DLG5: variants seen among roughly 807,000 people sequenced by gnomAD.
DLG5 encodes disks large homolog 5.
In DLG5, 48 loss-of-function variants were observed where a neutral mutation model predicts 189.8. The observed-to-expected ratio is 0.25, with a 90% CI of 0.20 to 0.32. The LOEUF is 0.32. Ranked by LOEUF, DLG5 falls within the 10% of genes least tolerant of loss-of-function variation. DLG5 has a pLI of 1.00. For missense variants in DLG5, 2,160 were observed against 2,544.7 expected, an observed-to-expected ratio of 0.85 and a Z score of 3.25; for synonymous variants, 1,016 against 1,054.1, an observed-to-expected ratio of 0.96 and a Z score of 0.70.
intron 9 of DLG5, 106 bp from the exon 10 acceptor site, chr10:77,830,979 G>T (rs1435277930): frequency 1.5e-6 from 2 of 1,340,824 alleles, no homozygotes; most frequent in Non-Finnish European, 2.0e-6. Flanking sequence ...AGCTAAAATG[G>T]GTTCCTTTCC....
At chr10:77,819,236 T>C (rs1842210644) in intron 17 of DLG5, 85 bp downstream of exon 17, 3 of 1,595,738 alleles carry the variant, frequency 1.9e-6, no homozygotes, top group Admixed American at 1.7e-5. Context: ...TCTCCACCAA[T>C]GAGCCTCTTT....
chr10:77,900,474 T>A (rs1845890724), intron 1 of DLG5, among the ~76,000 whole-genome samples: 1 of 152,138 alleles, frequency 6.6e-6, no homozygotes, highest in Non-Finnish European at 1.5e-5. Flanking sequence ...GAGACAGACC[T>A]TCACCCCGGG....
intron 1 of DLG5, among the ~76,000 whole-genome samples, chr10:77,888,295 C>A (rs1845502180): frequency 6.6e-6 from 1 of 152,194 alleles, no homozygotes; most frequent in Non-Finnish European, 1.5e-5. Flanking sequence ...TCCTGGGCAG[C>A]AGCCTCAGAG....
At chr10:77,872,132 A>G (rs1844926184) in intron 1 of DLG5, among the ~76,000 whole-genome samples, 1 of 152,156 alleles carries the variant, frequency 6.6e-6, no homozygotes, top group Admixed American at 6.6e-5. Flanking sequence ...TCACCTCCAG[A>G]AATCTCTATG....
At chr10:77,840,792 A>C (rs1726176294) in intron 7 of DLG5, among the ~76,000 whole-genome samples, 1 of 152,164 alleles carries the variant, frequency 6.6e-6, no homozygotes, top group South Asian at 2.1e-4. Flanking sequence ...ATCTCCCAGC[A>C]AGGGGCCTGT....
upstream of DLG5, chr10:77,926,943 CT>C (rs1303088116): frequency 1.1e-5 from 4 of 378,934 alleles, no homozygotes; most frequent in Non-Finnish European, 2.1e-5. The surrounding 1 kb of genome is among the most constrained non-coding windows in gnomAD (Gnocchi z 5.2). Flanking sequence ...CAGAGCAAGA[CT>C]ACAACTCCCG....
intron 13 of DLG5, among the ~76,000 whole-genome samples, chr10:77,827,428 G>A (rs763740621): frequency 6.6e-6 from 1 of 152,174 alleles, no homozygotes; most frequent in South Asian, 2.1e-4. Context: ...GTTTCACCAC[G>A]TTCCCCAGGC....
chr10:77,832,067 G>C (rs528418354), intron 9 of DLG5, among the ~76,000 whole-genome samples: 1 of 152,220 alleles, frequency 6.6e-6, no homozygotes, highest in Admixed American at 6.5e-5. Flanking sequence ...AATTAGCCAG[G>C]TGTGGTAACA....
intron 5 of DLG5, among the ~76,000 whole-genome samples, chr10:77,845,728 T>G (rs1474136275): frequency 2.0e-5 from 3 of 152,064 alleles, no homozygotes; most frequent in African/African-American, 7.2e-5. Context: ...CCTTTATTTA[T>G]TTTTAAAGCA....
intron 1 of DLG5, among the ~76,000 whole-genome samples, chr10:77,896,215 C>G (rs1189649931): frequency 6.6e-6 from 1 of 152,152 alleles, no homozygotes; most frequent in Admixed American, 6.5e-5. Context: ...ATCTGTCAAC[C>G]ATGGATAATC....
At chr10:77,917,909 C>G (rs1420777620) in intron 1 of DLG5, among the ~76,000 whole-genome samples, 1 of 151,374 alleles carries the variant, frequency 6.6e-6, no homozygotes, top group Non-Finnish European at 1.5e-5. Flanking sequence ...CACCTGTAAT[C>G]TCAGCTACCC....
At chr10:77,844,788 G>A (rs1843602946) in intron 5 of DLG5, among the ~76,000 whole-genome samples, 1 of 152,248 alleles carries the variant, frequency 6.6e-6, no homozygotes. Flanking sequence ...GTCTGTGAGG[G>A]AGGCTAAGGC....
intron 1 of DLG5, among the ~76,000 whole-genome samples, chr10:77,905,200 T>C (rs1846038999): frequency 6.6e-6 from 1 of 151,516 alleles, no homozygotes. Context: ...GAGTTGTCAC[T>C]GTGTTGCCCG....
chr10:77,910,502 T>A (rs1321084931), intron 1 of DLG5, among the ~76,000 whole-genome samples: 1 of 152,166 alleles, frequency 6.6e-6, no homozygotes, highest in East Asian at 1.9e-4. Context: ...CAGGAGAATG[T>A]CAGGAAAAAC....
At chr10:77,792,566 C>T (rs756383324) in intron 31 of DLG5, 23 bp from the exon 32 acceptor site, 39 of 1,610,616 alleles carry the variant, frequency 2.4e-5, no homozygotes, top group South Asian at 8.8e-5. Context: ...CCCCCAGACA[C>T]GTCATTCAGC....
intron 1 of DLG5, chr10:77,869,436 AC>A (rs891308600): frequency 2.4e-5 from 12 of 496,022 alleles, no homozygotes; most frequent in African/African-American, 2.0e-4. Flanking sequence ...GCAGAGGGGA[AC>A]TTGGAGTCAG....
At chr10:77,895,968 G>A (rs1306514449) in intron 1 of DLG5, among the ~76,000 whole-genome samples, 1 of 152,044 alleles carries the variant, frequency 6.6e-6, no homozygotes, top group African/African-American at 2.4e-5. Flanking sequence ...TTTTGATGTG[G>A]GGTCACTGGC....
chr10:77,852,771 C>T (rs1844043672), intron 5 of DLG5, among the ~76,000 whole-genome samples: 1 of 152,188 alleles, frequency 6.6e-6, no homozygotes, highest in African/African-American at 2.4e-5. Context: ...CAAAATGAAC[C>T]TGTGGTCTTG....
At chr10:77,843,404 A>C in intron 6 of DLG5, 43 bp downstream of exon 6, 1 of 1,603,268 alleles carries the variant, frequency 6.2e-7, no homozygotes, top group Non-Finnish European at 8.5e-7. Context: ...TGGGAACCTT[A>C]TAGGACCCAT....
Sources: gnomAD v4.1 joint callset for allele counts (sites outside exome capture counted in the v4.1 genomes callset) on GRCh38, gnomAD v4.1.1 for gene constraint, Gnocchi (gnomAD v3.1) non-coding constraint, MANE v1.5 for transcripts, NCBI Gene and HGNC (gene_info 2026-07-23, HGNC 2026-07-21) for gene names.